Variants in RUSF1 observed in about 807,000 individuals in gnomAD.
RUSF1 encodes the protein RUS family member 1.
In RUSF1, 58 loss-of-function variants were observed where a neutral mutation model predicts 63.0. That is an observed-to-expected ratio of 0.92 (90% CI 0.75 to 1.15). RUSF1 has a LOEUF of 1.15. Ranked by LOEUF, RUSF1 falls within the 50% of genes most tolerant of loss-of-function variation. The pLI is 0.00. For synonymous variants in RUSF1, 274 were observed against 255.8 expected (o/e 1.07, Z -0.68); for missense variants, 652 against 611.0 (o/e 1.07, Z -0.71).
intron 7 of RUSF1, 21 bp from the exon 8 acceptor site, chr16:31,493,808 A>G (rs1300142700): frequency 4.3e-6 from 7 of 1,614,196 alleles, no homozygotes; most frequent in African/African-American, 1.3e-5. Flanking sequence ...AGAGTGAGGT[A>G]GCTGAAGTGG....
chr16:31,489,965 A>G lies in RUSF1; in HGVS notation c.*870T>C. On this transcript the variant is annotated 3_prime_UTR_variant, in exon 13 of 13. Coordinates refer to ENST00000327237, the MANE Select transcript of RUSF1 (RefSeq NM_022744.4). ...GGCAGCCATGTAGGGTGGAGTTGGCATGAGTTAAGCCTGGGCTGGGTGTGT... is the reference window on the plus strand; with the variant it reads ...GGCAGCCATGTAGGGTGGAGTTGGCGTGAGTTAAGCCTGGGCTGGGTGTGT... 1 of 1,136,314 alleles carries G rather than the reference A, an allele frequency of 8.8e-7. No individual in the cohort carries two copies. Among genetic ancestry groups the G allele is most frequent in the South Asian group, 1.3e-5 (1 of 74,972 alleles). 70.4% of individuals were successfully genotyped at this position (1,136,314 alleles called of 1,614,324 possible).
At chr16:31,491,118 C>A (rs918370617) in intron 12 of RUSF1, among the ~76,000 whole-genome samples, 186 bp from the exon 13 acceptor site, 1 of 152,164 alleles carries the variant, frequency 6.6e-6, no homozygotes, top group Admixed American at 6.5e-5. Flanking sequence ...CACAGAAGAG[C>A]GCTGGGATGG....
In RUSF1 at chr16:31,500,941, G is replaced by T. The variant is rs559094124; in HGVS notation, c.416-210C>A. Among the ~76,000 whole-genome samples, 5 of 152,322 alleles carry T rather than the reference G, an allele frequency of 3.3e-5. No individual in the cohort carries two copies. The South Asian group carries it at 1.0e-3, about 32-fold the overall frequency. On this transcript the variant is annotated intron_variant, in intron 2 of 12. Coordinates refer to ENST00000327237, the MANE Select transcript of RUSF1 (RefSeq NM_022744.4). ...CTCAATATGTCCCCTAGGAGACATG[G>T]ACAAGAAATGTTCTTTGCAGAATTG...
Position 31,490,528 on chromosome 16 carries a change from A to T in RUSF1, c.*307T>A, listed in dbSNP as rs141376808. 619 of 1,610,900 alleles carry T rather than the reference A, an allele frequency of 3.8e-4. 3 individuals carry two copies. Among genetic ancestry groups the T allele is most frequent in the Middle Eastern group, 8.2e-4 (5 of 6,076 alleles). ...GTGGCCGTGTTCCTCTGGGGCTTCT[A>T]TGCCTAAGACCAACTGCGTTGGACA... is the stretch of plus-strand genomic sequence containing the variant. On this transcript the variant is annotated 3_prime_UTR_variant, in exon 13 of 13. Transcript: ENST00000327237.
At chr16:31,491,797 A>T (rs1473318930) in intron 12 of RUSF1, among the ~76,000 whole-genome samples, 1 of 151,976 alleles carries the variant, frequency 6.6e-6, no homozygotes, top group Non-Finnish European at 1.5e-5. Context: ...TTTTTTGTAC[A>T]GACAAGGATT....
At chr16:31,495,134 G>A (rs769172879) in intron 6 of RUSF1, among the ~76,000 whole-genome samples, 8 of 152,184 alleles carry the variant, frequency 5.3e-5, no homozygotes, top group Non-Finnish European at 1.2e-4. Flanking sequence ...AGAACACTCT[G>A]ATGGCTGGAT....
rs1036733905 is a variant in RUSF1 at position 31,490,547 on chromosome 16, T to G, written c.*288A>C. On this transcript the variant is annotated 3_prime_UTR_variant, in exon 13 of 13. Coordinates refer to ENST00000327237, the MANE Select transcript of RUSF1 (RefSeq NM_022744.4). ...GCTTCTATGCCTAAGACCAACTGCGTTGGACACCATAAGCCACAGCCTCAC... is the reference window on the plus strand; with the variant it reads ...GCTTCTATGCCTAAGACCAACTGCGGTGGACACCATAAGCCACAGCCTCAC... 2 of 1,593,904 alleles carry G rather than the reference T, an allele frequency of 1.3e-6. No individual in the cohort carries two copies. The highest frequency in any genetic ancestry group is 2.2e-5 in the South Asian group (2 of 89,254).
chr16:31,498,553 C>G (rs1002077201), intron 5 of RUSF1, among the ~76,000 whole-genome samples: 3 of 152,048 alleles, frequency 2.0e-5, no homozygotes, highest in Admixed American at 6.5e-5. Context: ...AGGGACTTAA[C>G]TCTGACAGGA....
Position 31,489,985 on chromosome 16 carries a change from G to C in RUSF1, c.*850C>G. On this transcript the variant is annotated 3_prime_UTR_variant, in exon 13 of 13. Coordinates refer to ENST00000327237, the MANE Select transcript of RUSF1 (RefSeq NM_022744.4). ...TTGGCATGAGTTAAGCCTGGGCTGG[G>C]TGTGTAGACTGGACAGAGGTGGGTA... is the stretch of plus-strand genomic sequence containing the variant. 8.2e-6 allele frequency: 11 copies of C among 1,349,614 alleles called. No homozygotes were observed. The highest frequency in any genetic ancestry group is 1.1e-5 in the Non-Finnish European group (11 of 961,022). The allele number at this position is 1,349,614 out of a possible 1,614,324, so 83.6% of individuals were successfully genotyped here. A position where few individuals can be genotyped will look rare whatever the true frequency, so the allele number is the denominator to read the frequency against.
chr16:31,501,654 C>T (rs1350532281), intron 2 of RUSF1, among the ~76,000 whole-genome samples: 1 of 150,902 alleles, frequency 6.6e-6, no homozygotes, highest in Non-Finnish European at 1.5e-5. Flanking sequence ...GAGGGACAGG[C>T]CTCCTTAGGC....
chr16:31,498,698 C>T (rs1434212057), intron 5 of RUSF1, among the ~76,000 whole-genome samples: 3 of 152,124 alleles, frequency 2.0e-5, no homozygotes, highest in African/African-American at 4.8e-5. Context: ...GCTCACTGTG[C>T]GGTCTGTGCT....
Position 31,507,797 on chromosome 16 carries a change from CA to C in RUSF1, c.381del (p.Val128PhefsTer10), listed in dbSNP as rs763353191. 7.7e-4 allele frequency: 1,212 copies of C among 1,575,468 alleles called. No homozygotes were observed. The highest frequency in any genetic ancestry group is 9.6e-4 in the Non-Finnish European group (1,117 of 1,160,146). On this transcript the variant is annotated frameshift_variant, in exon 2 of 13. Transcript: ENST00000327237. LOFTEE classifies it high-confidence loss of function. ...AGCCAGGTGGCCGTGGCAGCTGAAACAGTGGCTTTTGCGTTCCCCACCCCTA... is the reference window on the plus strand; with the variant it reads ...AGCCAGGTGGCCGTGGCAGCTGAAACGTGGCTTTTGCGTTCCCCACCCCTA... ...LGIGVGNAKA[T>X]VSAATATWLV...
At chr16:31,508,045 T>C in intron 1 of RUSF1, 29 bp downstream of exon 1, 1 of 1,584,182 alleles carries the variant, frequency 6.3e-7, no homozygotes, top group Non-Finnish European at 8.6e-7. Flanking sequence ...TGGCCTGCAC[T>C]GTCCTCTGCC....
At position 31,502,758 on chromosome 16, in the gene RUSF1, G is replaced by A. The variant is rs192070961; in HGVS notation, c.416-2027C>T. ...TTCCCTTCAAGTACATTATATTCTC[G>A]GCAAAATCATCATTGTGCCAGCCAC... On this transcript the variant is annotated intron_variant, in intron 2 of 12. Transcript: ENST00000327237. Among the ~76,000 whole-genome samples, 601 of 152,274 alleles carry A rather than the reference G, an allele frequency of 3.9e-3. 4 individuals carry two copies. Among genetic ancestry groups the A allele is most frequent in the South Asian group, 6.0e-3 (29 of 4,820 alleles).
At chr16:31,506,611 G>C (rs926063926) in intron 2 of RUSF1, among the ~76,000 whole-genome samples, 8 of 152,266 alleles carry the variant, frequency 5.3e-5, no homozygotes, top group African/African-American at 1.9e-4. Context: ...GTGAAACTCT[G>C]TCTCTACTAA....
intron 6 of RUSF1, among the ~76,000 whole-genome samples, chr16:31,496,511 C>T (rs2142650296): frequency 6.6e-6 from 1 of 152,328 alleles, no homozygotes; most frequent in Non-Finnish European, 1.5e-5. Flanking sequence ...AGGCCCCAGC[C>T]AGTGACCCAG....
intron 2 of RUSF1, among the ~76,000 whole-genome samples, chr16:31,500,964 T>C (rs1379704794): frequency 6.6e-6 from 1 of 152,192 alleles, no homozygotes; most frequent in Non-Finnish European, 1.5e-5. Context: ...CTTTGCAGAA[T>C]TGTTCATAAC....
Position 31,508,348 on chromosome 16 carries a change from G to T in RUSF1, c.26C>A (p.Thr9Asn). Residue 9 changes from threonine to asparagine, a missense_variant, in exon 1 of 13, where the codon ACC (threonine) becomes AAC (asparagine). Thr to Asn is a moderately conservative substitution (Grantham distance 65). Transcript: ENST00000327237. MADDAGLE[T>N]PLCSEQFGSG... is the part of the protein sequence containing the mutation. ...GCCGAACTGCTCGGAACACAGCGGG[G>T]TCTCCAAACCCGCGTCGTCAGCCAT... 2 of 1,550,614 alleles carry T rather than the reference G, an allele frequency of 1.3e-6. No homozygotes were observed. The highest frequency in any genetic ancestry group is 1.7e-6 in the Non-Finnish European group (2 of 1,159,406).
At chr16:31,495,638 A>G (rs1349775155) in intron 6 of RUSF1, among the ~76,000 whole-genome samples, 1 of 151,762 alleles carries the variant, frequency 6.6e-6, no homozygotes, top group Non-Finnish European at 1.5e-5. Flanking sequence ...GCGGTGAGGG[A>G]CCTGTGCTGT....
Sources: allele counts gnomAD v4.1 joint callset (sites outside exome capture counted in the v4.1 genomes callset), GRCh38; gene constraint gnomAD v4.1.1; transcripts MANE v1.5; gene names NCBI Gene and HGNC (gene_info 2026-07-23, HGNC 2026-07-21).